The following COL5A2 variants were observed in gnomAD, a reference collection of about 807,000 sequenced individuals.
COL5A2 encodes collagen type V alpha 2 chain.
COL5A2 carries 23 observed loss-of-function variants against 208.2 expected under a neutral mutation model. That is an observed-to-expected ratio of 0.11 (90% CI 0.08 to 0.16). The LOEUF is 0.16. COL5A2 is among the 10% of genes least tolerant of loss of function. COL5A2 has a pLI of 1.00. For missense variants in COL5A2, 1,590 were observed against 1,956.4 expected (o/e 0.81, Z 3.53); for synonymous variants, 625 against 628.5 (o/e 0.99, Z 0.08).
At chr2:189,050,224 C>T (rs146409740) in intron 43 of COL5A2, among the ~76,000 whole-genome samples, 1 of 152,176 alleles carries the variant, frequency 6.6e-6, no homozygotes, top group African/African-American at 2.4e-5. Context: ...TTTTGTTAAG[C>T]ATGTTTACTT....
At chr2:189,431,843 A>G in the COL5A2 span, among the ~76,000 whole-genome samples, 32 of 152,318 alleles carry the variant, frequency 2.1e-4, no homozygotes, top group African/African-American at 2.9e-4. Flanking sequence ...GGAAATATAG[A>G]GAACACCACA....
At chr2:189,394,893 G>A in the COL5A2 span, among the ~76,000 whole-genome samples, 1 of 152,104 alleles carries the variant, frequency 6.6e-6, no homozygotes, top group African/African-American at 2.4e-5. Context: ...AAATTAGATT[G>A]AACAATAACT....
the COL5A2 span, among the ~76,000 whole-genome samples, chr2:189,439,552 T>C: frequency 1.3e-5 from 2 of 152,236 alleles, no homozygotes; most frequent in Non-Finnish European, 1.5e-5. Context: ...TCCACTGCAC[T>C]AGCCCTATTC....
the COL5A2 span, among the ~76,000 whole-genome samples, chr2:189,435,836 C>G: frequency 6.6e-6 from 1 of 152,170 alleles, no homozygotes; most frequent in East Asian, 1.9e-4. Context: ...GGTATATACC[C>G]AAAGCATTAT....
In COL5A2 at chr2:189,135,809, G is replaced by C. The variant is rs1345468196; in HGVS notation, c.98-25360C>G. Among the ~76,000 whole-genome samples, 7 of 152,314 alleles carry C rather than the reference G, an allele frequency of 4.6e-5. No homozygotes were observed. The South Asian group carries it at 1.4e-3, about 32-fold the overall frequency. On this transcript the variant is annotated intron_variant, in intron 1 of 53. Transcript: ENST00000374866. ...GAATACTTAATATGTGCTATATATT[G>C]TCCTAACTGTTTTATATTCTTGATC...
the COL5A2 span, among the ~76,000 whole-genome samples, chr2:189,413,228 T>C: frequency 1.2e-4 from 19 of 152,324 alleles, no homozygotes; most frequent in Admixed American, 1.2e-3. Context: ...TGATTCAACA[T>C]ACAAATTTTT....
chr2:189,386,296 C>A, the COL5A2 span, among the ~76,000 whole-genome samples: 3 of 151,964 alleles, frequency 2.0e-5, no homozygotes, highest in Admixed American at 1.3e-4. Context: ...GAAACTGGAC[C>A]CCTGCCTATC....
intron 1 of COL5A2, among the ~76,000 whole-genome samples, chr2:189,192,682 T>G (rs1688945792): frequency 6.6e-6 from 1 of 152,234 alleles, no homozygotes; most frequent in Admixed American, 6.5e-5. Flanking sequence ...CTCAAAGCTA[T>G]TTTTGGACAT....
At chr2:189,207,145 C>T (rs1377053754) in intron 1 of COL5A2, among the ~76,000 whole-genome samples, 1 of 152,062 alleles carries the variant, frequency 6.6e-6, no homozygotes, top group African/African-American at 2.4e-5. Flanking sequence ...ATTTAGTTTT[C>T]TGTTTGGGTA....
chr2:189,328,389 A>G, the COL5A2 span, among the ~76,000 whole-genome samples: 1 of 152,222 alleles, frequency 6.6e-6, no homozygotes, highest in African/African-American at 2.4e-5. Flanking sequence ...AGAGAGCTAA[A>G]TCACTGTACA....
the COL5A2 span, among the ~76,000 whole-genome samples, chr2:189,352,956 A>C: frequency 1.3e-5 from 2 of 152,218 alleles, no homozygotes; most frequent in East Asian, 3.9e-4. Context: ...ATCTTGAGTT[A>C]ATTTTTGTAC....
At chr2:189,239,409 C>T in the COL5A2 span, among the ~76,000 whole-genome samples, 1 of 151,730 alleles carries the variant, frequency 6.6e-6, no homozygotes, top group African/African-American at 2.4e-5. Context: ...TCCAAAAGTC[C>T]TTACAAGGGG....
At chr2:189,053,359 A>T in intron 38 of COL5A2, 65 bp downstream of exon 38, 1 of 1,356,430 alleles carries the variant, frequency 7.4e-7, no homozygotes. Context: ...TATGACAATG[A>T]TCATTAAACT....
chr2:189,054,162 T>C lies in COL5A2; in HGVS notation c.2442A>G (p.Glu814=), dbSNP rs775741631. The change falls in exon 36 of 54, where the codon GAA becomes GAG. Residue 814 remains glutamate, a synonymous_variant. Transcript: ENST00000374866. ...GPPGPAGPTG[E]KGEPGPRGLV... ...AAATTAACAACTTGTGACTTACCTT[T>C]TCTCCAGTAGGACCTGCCGGACCTG... The C allele has an allele frequency of 1.9e-6, 3 of 1,613,986 alleles. No individual in the cohort carries two copies. Among genetic ancestry groups the C allele is most frequent in the Non-Finnish European group, 2.5e-6 (3 of 1,179,834 alleles).
At chr2:189,234,075 T>A in the COL5A2 span, among the ~76,000 whole-genome samples, 1 of 151,738 alleles carries the variant, frequency 6.6e-6, no homozygotes, top group South Asian at 2.1e-4. Context: ...ATAAATCGTG[T>A]GTTCTGTTTT....
At chr2:189,385,516 A>C in the COL5A2 span, among the ~76,000 whole-genome samples, 1 of 152,174 alleles carries the variant, frequency 6.6e-6, no homozygotes, top group East Asian at 1.9e-4. Context: ...ATGGATTGAG[A>C]AGAATCAATA....
At chr2:189,196,692 G>T (rs980045810) in intron 1 of COL5A2, among the ~76,000 whole-genome samples, 1 of 152,060 alleles carries the variant, frequency 6.6e-6, no homozygotes, top group African/African-American at 2.4e-5. Context: ...AACTATAAAT[G>T]ATCTTTGTTG....
chr2:189,368,950 G>C, the COL5A2 span, among the ~76,000 whole-genome samples: 3 of 152,278 alleles, frequency 2.0e-5, no homozygotes, highest in African/African-American at 7.2e-5. Flanking sequence ...CCTCACTAAT[G>C]AACAGAGGTC....
chr2:189,349,466 T>G, the COL5A2 span, among the ~76,000 whole-genome samples: 2 of 152,308 alleles, frequency 1.3e-5, no homozygotes, highest in Non-Finnish European at 2.9e-5. Context: ...TGACTCAATC[T>G]GGAAAGCATA....
Sources: gnomAD v4.1 joint callset for allele counts (sites outside exome capture counted in the v4.1 genomes callset) on GRCh38, gnomAD v4.1.1 for gene constraint, MANE v1.5 for transcripts, NCBI Gene and HGNC (gene_info 2026-07-23, HGNC 2026-07-21) for gene names.